The following NUTF2 variants were observed in gnomAD, a reference collection of about 807,000 sequenced individuals.
NUTF2 encodes nuclear transport factor 2, also known as placental protein 15.
A neutral mutation model predicts 18.5 loss-of-function variants in NUTF2; 3 were observed. That is an observed-to-expected ratio of 0.16 (90% CI 0.07 to 0.42). The LOEUF (loss-of-function observed/expected upper bound fraction) is 0.42. NUTF2 is among the 10% of genes least tolerant of loss of function. The probability of loss-of-function intolerance (pLI) is 0.99; values close to 1 mark genes in which losing one functional copy is unlikely to be tolerated. For missense variants in NUTF2, 44 were observed against 160.7 expected, an observed-to-expected ratio of 0.27 and a Z score of 3.93; for synonymous variants, 51 against 57.9, an observed-to-expected ratio of 0.88 and a Z score of 0.54.
At position 67,872,070 on chromosome 16, in the gene NUTF2, T is replaced by G. The variant is rs1202716076; in HGVS notation, c.*1157T>G. ...TGCTATCTTCCAATTCCGGGGAGTC[T>G]TAGCTATTAGGGCAGTTTCTGCTTC... On this transcript the variant is annotated 3_prime_UTR_variant, in exon 5 of 5. Transcript: ENST00000219169. 1 of 152,320 alleles carries G rather than the reference T, an allele frequency of 6.6e-6. No individual in the cohort carries two copies. Among genetic ancestry groups the G allele is most frequent in the Admixed American group, 6.5e-5 (1 of 15,278 alleles). The allele number at this position is 152,320 out of a possible 1,614,324, so 9.4% of individuals were successfully genotyped here.
At chr16:67,865,992 A>C (rs569181787) in intron 2 of NUTF2, among the ~76,000 whole-genome samples, 1 of 152,292 alleles carries the variant, frequency 6.6e-6, no homozygotes, top group African/African-American at 2.4e-5. Context: ...TGCTGGGATT[A>C]CAGGCGTGAG....
chr16:67,860,428 C>T (rs1470167099), intron 1 of NUTF2, among the ~76,000 whole-genome samples: 1 of 152,168 alleles, frequency 6.6e-6, no homozygotes, highest in Non-Finnish European at 1.5e-5. Context: ...GAGTGAACCA[C>T]CATGCCCGGC....
intron 1 of NUTF2, among the ~76,000 whole-genome samples, chr16:67,852,654 G>A (rs748160490): frequency 6.6e-6 from 1 of 151,490 alleles, no homozygotes; most frequent in Admixed American, 6.6e-5. Context: ...CACCATGCCT[G>A]GCCTTTTTTT....
At chr16:67,867,075 A>G (rs1364692043) in intron 2 of NUTF2, among the ~76,000 whole-genome samples, 1 of 150,718 alleles carries the variant, frequency 6.6e-6, no homozygotes, top group African/African-American at 2.4e-5. Context: ...AGGTTCAAGC[A>G]ATTCTCATGC....
At chr16:67,869,508 G>A (rs1272071318) in intron 4 of NUTF2, among the ~76,000 whole-genome samples, 1 of 151,856 alleles carries the variant, frequency 6.6e-6, no homozygotes, top group Non-Finnish European at 1.5e-5. Context: ...ATTCTGGGCT[G>A]GGCGCGGTGG....
chr16:67,848,159 T>C (rs1309231699), intron 1 of NUTF2, among the ~76,000 whole-genome samples: 2 of 152,292 alleles, frequency 1.3e-5, no homozygotes, highest in East Asian at 3.9e-4. Context: ...TATCCTGATA[T>C]CCTTTGTAAA....
chr16:67,866,240 T>C (rs1312157529), intron 2 of NUTF2, among the ~76,000 whole-genome samples: 2 of 151,916 alleles, frequency 1.3e-5, no homozygotes, highest in East Asian at 3.9e-4. Flanking sequence ...TTGGAAAAAA[T>C]AATGAAATTT....
intron 1 of NUTF2, among the ~76,000 whole-genome samples, chr16:67,860,576 C>T (rs1023984342): frequency 6.6e-6 from 1 of 152,220 alleles, no homozygotes; most frequent in African/African-American, 2.4e-5. Context: ...CAGCCTTGGG[C>T]CTGAGGGGTT....
At chr16:67,852,190 G>A (rs1385946547) in intron 1 of NUTF2, among the ~76,000 whole-genome samples, 1 of 152,050 alleles carries the variant, frequency 6.6e-6, no homozygotes, top group Admixed American at 6.6e-5. Context: ...TGGTTGTGGT[G>A]TTGTATACCT....
At chr16:67,849,816 G>A (rs1051615386) in intron 1 of NUTF2, among the ~76,000 whole-genome samples, 3 of 151,786 alleles carry the variant, frequency 2.0e-5, no homozygotes, top group South Asian at 2.1e-4. Flanking sequence ...CCACCACCAC[G>A]CCCAGCTAAC....
At chr16:67,860,384 C>T (rs1354754955) in intron 1 of NUTF2, among the ~76,000 whole-genome samples, 2 of 152,182 alleles carry the variant, frequency 1.3e-5, no homozygotes, top group Non-Finnish European at 2.9e-5. Flanking sequence ...AGGTGATCTT[C>T]CCACCTCAGC....
Position 67,861,738 on chromosome 16 carries a change from T to A in NUTF2, c.-29-3364T>A, listed in dbSNP as rs1021001288. Among the ~76,000 whole-genome samples, 4 of 152,354 alleles carry A rather than the reference T, an allele frequency of 2.6e-5. No individual in the cohort carries two copies. The East Asian group carries it at 5.8e-4, about 22-fold the overall frequency. On this transcript the variant is annotated intron_variant, in intron 1 of 4. Transcript: ENST00000219169. ...TCATGATGGTCAGTCCCCAGTCTAA[T>A]GTGAGGCTGCCTCTGAGCCCGGGCT...
At position 67,855,875 on chromosome 16, in the gene NUTF2, A is replaced by AT. The variant is rs1291552645; in HGVS notation, c.-30+8899dup. ...CCTGGGCTGCATTCCTTGCCACCCG[A>AT]TTTTTTTTTGGCGGGGGGGGGGGAT... On this transcript the variant is annotated intron_variant, in intron 1 of 4. Transcript: ENST00000219169. The AT allele has an allele frequency of 5.6e-3, 1,678 of 298,452 alleles. 10 individuals are homozygous for AT. The highest frequency in any genetic ancestry group is 7.3e-3 in the South Asian group (180 of 24,576). 18.5% of individuals were successfully genotyped at this position (298,452 alleles called of 1,614,324 possible).
intron 1 of NUTF2, among the ~76,000 whole-genome samples, chr16:67,852,953 G>T (rs1286386132): frequency 1.3e-5 from 2 of 152,138 alleles, no homozygotes; most frequent in African/African-American, 2.4e-5. Flanking sequence ...AAAGTGCTGG[G>T]ATTACAGGCA....
Position 67,850,106 on chromosome 16 carries a change from T to TCCC in NUTF2, c.-30+3122_-30+3123insCCC, listed in dbSNP as rs2057841704. Among the ~76,000 whole-genome samples, 3 of 151,758 alleles carry TCCC rather than the reference T, an allele frequency of 2.0e-5. No individual in the cohort carries two copies. In the South Asian group the frequency reaches 6.2e-4, roughly 31 times the overall value. On this transcript the variant is annotated intron_variant, in intron 1 of 4. Coordinates refer to ENST00000219169, the MANE Select transcript of NUTF2 (RefSeq NM_005796.3). ...TGCCCAGTGATCACAAGGGTTTTCTTCAGGGACAAAAAGATACTTTTCCTT... is the reference window on the plus strand; with the variant it reads ...TGCCCAGTGATCACAAGGGTTTTCTTCCCCAGGGACAAAAAGATACTTTTCCTT...
intron 1 of NUTF2, among the ~76,000 whole-genome samples, chr16:67,862,590 T>C (rs1389461655): frequency 6.6e-6 from 1 of 152,142 alleles, no homozygotes; most frequent in African/African-American, 2.4e-5. Context: ...ATCCCAGCAC[T>C]TTGGGAGGCC....
intron 1 of NUTF2, among the ~76,000 whole-genome samples, chr16:67,858,128 A>G (rs2057909878): frequency 6.6e-6 from 1 of 152,190 alleles, no homozygotes; most frequent in Non-Finnish European, 1.5e-5. Context: ...CTAAGAAAAC[A>G]ATACAGGAGG....
chr16:67,861,569 A>G (rs1020858922), intron 1 of NUTF2, among the ~76,000 whole-genome samples: 1 of 152,206 alleles, frequency 6.6e-6, no homozygotes, highest in Non-Finnish European at 1.5e-5. Context: ...CCTAAGGGTC[A>G]GTGAAGGCTG....
chr16:67,850,594 G>T (rs1481156344), intron 1 of NUTF2, among the ~76,000 whole-genome samples: 2 of 152,154 alleles, frequency 1.3e-5, no homozygotes, highest in African/African-American at 4.8e-5. Context: ...GGAACTTGGC[G>T]GGCCATCTAG....
Sources: allele counts gnomAD v4.1 joint callset (sites outside exome capture counted in the v4.1 genomes callset), GRCh38; gene constraint gnomAD v4.1.1; transcripts MANE v1.5; gene names NCBI Gene and HGNC (gene_info 2026-07-23, HGNC 2026-07-21).